The following MAGI2 variants were observed in gnomAD, a reference collection of about 807,000 sequenced individuals.
MAGI2 encodes the protein membrane-associated guanylate kinase, WW and PDZ domain-containing protein 2.
In MAGI2, 35 loss-of-function variants were observed where a neutral mutation model predicts 133.3. That is an observed-to-expected ratio of 0.26 (90% confidence interval 0.20 to 0.35). The LOEUF is 0.35. Ranked by LOEUF, MAGI2 falls within the 10% of genes least tolerant of loss-of-function variation. The pLI is 1.00. For missense variants in MAGI2, 1,636 were observed against 1,863.4 expected, an observed-to-expected ratio of 0.88 and a Z score of 2.25; for synonymous variants, 729 against 710.6, an observed-to-expected ratio of 1.03 and a Z score of -0.41.
At chr7:78,881,819 A>T (rs1395015217) in intron 2 of MAGI2, among the ~76,000 whole-genome samples, 2 of 152,008 alleles carry the variant, frequency 1.3e-5, no homozygotes, top group African/African-American at 4.8e-5. Context: ...GAAAGTTTAT[A>T]GCCCTAAAGC....
intron 2 of MAGI2, among the ~76,000 whole-genome samples, chr7:79,000,849 C>T (rs541184869): frequency 6.6e-6 from 1 of 152,252 alleles, no homozygotes; most frequent in East Asian, 1.9e-4. Flanking sequence ...TGTAATTCAG[C>T]GTAACTCAGT....
chr7:78,629,437 C>T (rs1808730233), intron 2 of MAGI2, among the ~76,000 whole-genome samples: 1 of 152,006 alleles, frequency 6.6e-6, no homozygotes, highest in African/African-American at 2.4e-5. Context: ...ATCTCTAGTC[C>T]CTGATCTCTT....
chr7:79,010,559 T>G (rs1562783443), intron 1 of MAGI2, among the ~76,000 whole-genome samples: 1 of 152,152 alleles, frequency 6.6e-6, no homozygotes, highest in Non-Finnish European at 1.5e-5. Flanking sequence ...TTTTATTTTA[T>G]TTTTAGTGTT....
At chr7:79,037,529 G>C (rs1423313684) in intron 1 of MAGI2, among the ~76,000 whole-genome samples, 1 of 152,078 alleles carries the variant, frequency 6.6e-6, no homozygotes, top group African/African-American at 2.4e-5. Context: ...AATTTGGGAA[G>C]AATTTTATGC....
intron 2 of MAGI2, among the ~76,000 whole-genome samples, chr7:78,859,401 T>C (rs926380740): frequency 6.6e-6 from 1 of 150,814 alleles, no homozygotes; most frequent in Non-Finnish European, 1.5e-5. Context: ...CCATGTTTAG[T>C]TCTTCCTTCA....
At chr7:78,645,902 C>T (rs1810838779) in intron 2 of MAGI2, among the ~76,000 whole-genome samples, 4 of 152,034 alleles carry the variant, frequency 2.6e-5, no homozygotes, top group Admixed American at 2.6e-4. Flanking sequence ...CCATGCCTGG[C>T]TAATTTTTCT....
chr7:79,087,781 G>A (rs1816661407), intron 1 of MAGI2, among the ~76,000 whole-genome samples: 1 of 151,954 alleles, frequency 6.6e-6, no homozygotes, highest in Non-Finnish European at 1.5e-5. Context: ...GTTTTTGTCA[G>A]GTTTGTCAAA....
At chr7:78,829,644 A>G (rs1255729590) in intron 2 of MAGI2, among the ~76,000 whole-genome samples, 1 of 152,130 alleles carries the variant, frequency 6.6e-6, no homozygotes, top group African/African-American at 2.4e-5. Context: ...AAATAAAGCC[A>G]TAAGAAAGAC....
chr7:78,641,121 T>C lies in MAGI2; in HGVS notation c.419-13882A>G, dbSNP rs546622933. ...ATGTTTGCTTCCCCTTCCGACATGA[T>C]TGTAAGTTTCCTGAGGCCTCCCTAG... On this transcript the variant is annotated intron_variant, in intron 2 of 21. Transcript: ENST00000354212. Among the ~76,000 whole-genome samples, 3 of 152,274 alleles carry C rather than the reference T, an allele frequency of 2.0e-5. No individual in the cohort carries two copies. In the South Asian group the frequency reaches 6.2e-4, roughly 32 times the overall value.
intron 9 of MAGI2, among the ~76,000 whole-genome samples, chr7:78,273,424 T>A (rs898564121): frequency 3.3e-5 from 5 of 151,412 alleles, no homozygotes; most frequent in Non-Finnish European, 7.4e-5. Flanking sequence ...TTGGGGTTGC[T>A]CTTCTCGAGG....
At chr7:79,137,051 G>T (rs1410582710) in intron 1 of MAGI2, among the ~76,000 whole-genome samples, 1 of 151,840 alleles carries the variant, frequency 6.6e-6, no homozygotes, top group African/African-American at 2.4e-5. Context: ...GTGCGATCTT[G>T]GCTCACTGTA....
At chr7:78,955,578 A>T (rs1359100313) in intron 2 of MAGI2, among the ~76,000 whole-genome samples, 3 of 152,024 alleles carry the variant, frequency 2.0e-5, no homozygotes, top group African/African-American at 7.2e-5. Flanking sequence ...TGTGGGTAGT[A>T]CATACTTTCA....
chr7:79,210,128 T>G (rs1829382900), intron 1 of MAGI2, among the ~76,000 whole-genome samples: 1 of 152,096 alleles, frequency 6.6e-6, no homozygotes. Flanking sequence ...ATACATTGAC[T>G]GTTGAATTTT....
intron 2 of MAGI2, among the ~76,000 whole-genome samples, chr7:78,936,050 A>G (rs913778661): frequency 2.0e-5 from 3 of 152,136 alleles, no homozygotes; most frequent in South Asian, 2.1e-4. Context: ...CAGTTGAATC[A>G]AAGTCTATGC....
chr7:78,489,520 A>G (rs1270668033), intron 6 of MAGI2, among the ~76,000 whole-genome samples: 1 of 152,100 alleles, frequency 6.6e-6, no homozygotes, highest in African/African-American at 2.4e-5. Context: ...CAGGAGTCAA[A>G]CAGAACCAAC....
chr7:78,741,411 AC>A (rs1179489323), intron 2 of MAGI2, among the ~76,000 whole-genome samples: 3,976 of 145,954 alleles, frequency 0.027, 192 homozygotes, highest in African/African-American at 0.099. Flanking sequence ...ACACACACAC[AC>A]ACACACACAC....
At chr7:79,225,562 G>A (rs1368447436) in intron 1 of MAGI2, among the ~76,000 whole-genome samples, 1 of 152,160 alleles carries the variant, frequency 6.6e-6, no homozygotes, top group African/African-American at 2.4e-5. Context: ...AAATGTTTGT[G>A]AGAGATATGC....
At chr7:79,447,410 T>C (rs1416246467) in intron 1 of MAGI2, among the ~76,000 whole-genome samples, 1 of 152,156 alleles carries the variant, frequency 6.6e-6, no homozygotes, top group Non-Finnish European at 1.5e-5. Context: ...TGTATGTTTG[T>C]TGTCATAATA....
intron 2 of MAGI2, among the ~76,000 whole-genome samples, chr7:78,781,591 C>A (rs1411194571): frequency 6.6e-6 from 1 of 151,996 alleles, no homozygotes; most frequent in African/African-American, 2.4e-5. Context: ...CAACTTCCCT[C>A]TTCAAGATTT....
Sources: gnomAD v4.1 joint callset for allele counts (sites outside exome capture counted in the v4.1 genomes callset) on GRCh38, gnomAD v4.1.1 for gene constraint, MANE v1.5 for transcripts, NCBI Gene and HGNC (gene_info 2026-07-23, HGNC 2026-07-21) for gene names.